Variants in SPTBN2 observed in about 807,000 individuals in gnomAD.
The protein encoded by SPTBN2 is spectrin beta chain, non-erythrocytic 2.
In SPTBN2, 107 loss-of-function variants were observed where a neutral mutation model predicts 284.2. That is an observed-to-expected ratio of 0.38 (90% confidence interval 0.32 to 0.44). SPTBN2 has a LOEUF of 0.44. Among genes scored for constraint, SPTBN2 ranks in the 20% least tolerant of loss-of-function variants. The pLI, the probability that SPTBN2 is intolerant of heterozygous loss-of-function variation, is 1.00. For missense variants in SPTBN2, 2,569 were observed against 3,287.1 expected (o/e 0.78, Z 5.34); for synonymous variants, 1,289 against 1,354.8 (o/e 0.95, Z 1.07).
upstream of SPTBN2, among the ~76,000 whole-genome samples, chr11:66,733,239 G>A (rs1942826556): frequency 6.6e-6 from 1 of 152,164 alleles, no homozygotes; most frequent in Admixed American, 6.5e-5. Flanking sequence ...TGCTATGGGG[G>A]GAATAGGTTA....
rs770831968 is a variant in SPTBN2 at position 66,686,301 on chromosome 11, GACC to G, written c.6939+94_6939+96del. ...CATCCAGTCTTACCACAAAGGACAA[GACC>G]AGGAAAAAGAGGGAGGACAGGGAAA... On this transcript the variant is annotated intron_variant, in intron 37 of 37. Transcript: ENST00000533211. 46 of 1,547,512 alleles carry G rather than the reference GACC, an allele frequency of 3.0e-5. No homozygotes were observed. In the East Asian group the frequency reaches 8.7e-4, roughly 29 times the overall value.
At chr11:66,740,674 A>G (rs1050203877) in intron 1 of SPTBN2, among the ~76,000 whole-genome samples, 1 of 152,232 alleles carries the variant, frequency 6.6e-6, no homozygotes, top group Non-Finnish European at 1.5e-5. Context: ...GACTTTGCTC[A>G]GGACCCGAGA....
Position 66,698,833 on chromosome 11 carries a change from G to A in SPTBN2, c.3868-48C>T, listed in dbSNP as rs748605820. 2.5e-6 allele frequency: 4 copies of A among 1,610,562 alleles called. No individual in the cohort carries two copies. The South Asian group carries it at 4.4e-5, about 18-fold the overall frequency. Reference sequence around the variant, plus strand: ...ACATTTCCAAGGGAGGGGAGAGGGGGGCATAAAAGCAGGGCCACAGTGAGC... The same window carrying A: ...ACATTTCCAAGGGAGGGGAGAGGGGAGCATAAAAGCAGGGCCACAGTGAGC... On this transcript the variant is annotated intron_variant, in intron 19 of 37. Coordinates refer to ENST00000533211, the MANE Select transcript of SPTBN2 (RefSeq NM_006946.4).
chr11:66,696,043 A>T (rs1940889548), intron 21 of SPTBN2, among the ~76,000 whole-genome samples: 1 of 152,086 alleles, frequency 6.6e-6, no homozygotes, highest in African/African-American at 2.4e-5. Flanking sequence ...GGCCTAATTA[A>T]TATTTCTTTT....
chr11:66,704,849 C>T lies in SPTBN2; in HGVS notation c.2427G>A (p.Gln809=), dbSNP rs771717104. 1.3e-5 allele frequency: 21 copies of T among 1,609,480 alleles called. No homozygotes were observed. Among genetic ancestry groups the T allele is most frequent in the Non-Finnish European group, 1.4e-5 (17 of 1,179,844 alleles). ...HRPTLDALRE[Q]AAALPPTLSR... ...TCAGTGTGGGGGGCAGGGCTGCTGC[C>T]TGTTCCCTCAAGGCGTCCAGGGTTG... is the stretch of plus-strand genomic sequence containing the variant. Residue 809 remains glutamine, a synonymous_variant, in exon 15 of 38, where the codon CAG becomes CAA. Coordinates refer to ENST00000533211, the MANE Select transcript of SPTBN2 (RefSeq NM_006946.4).
intron 29 of SPTBN2, 53 bp downstream of exon 29, chr11:66,689,752 C>A: frequency 1.2e-6 from 2 of 1,608,474 alleles, no homozygotes; most frequent in Non-Finnish European, 1.7e-6. Context: ...ACCAAGAAGT[C>A]AGCGTTCAGC....
At chr11:66,686,325 G>C in intron 37 of SPTBN2, 73 bp downstream of exon 37, 1 of 1,586,240 alleles carries the variant, frequency 6.3e-7, no homozygotes, top group Non-Finnish European at 8.7e-7. Flanking sequence ...GGGAGGACAG[G>C]GAAAGAAGGG....
intron 13 of SPTBN2, among the ~76,000 whole-genome samples, chr11:66,706,817 A>C (rs1941587287): frequency 6.6e-6 from 1 of 151,586 alleles, no homozygotes; most frequent in African/African-American, 2.4e-5. Context: ...ATTTTTATAG[A>C]CACGGGGTTT....
chr11:66,690,668 T>C (rs1264360753), intron 27 of SPTBN2, among the ~76,000 whole-genome samples: 7 of 152,148 alleles, frequency 4.6e-5, no homozygotes, highest in African/African-American at 7.2e-5. Flanking sequence ...AGTGTGAGCC[T>C]AGAGCTCAAG....
intron 8 of SPTBN2, chr11:66,712,612 A>G (rs1296344902): frequency 1.3e-5 from 2 of 151,988 alleles, no homozygotes; most frequent in African/African-American, 4.8e-5. Flanking sequence ...TTATGACCAG[A>G]ACCACAGGAA....
chr11:66,691,665 G>C lies in SPTBN2; in HGVS notation c.5191-7C>G. On this transcript the variant is annotated splice_polypyrimidine_tract_variant and splice_region_variant and intron_variant, in intron 26 of 37. Coordinates refer to ENST00000533211, the MANE Select transcript of SPTBN2 (RefSeq NM_006946.4). The surrounding 1 kb of genome is among the most constrained non-coding windows in gnomAD (Gnocchi z 8.0). ...GGAATTTGTCTCGGAGCATCTGGTAGAGGAAGCAGATGGACAGACCATGCC... is the reference window on the plus strand; with the variant it reads ...GGAATTTGTCTCGGAGCATCTGGTACAGGAAGCAGATGGACAGACCATGCC... The C allele has an allele frequency of 6.2e-7, 1 of 1,613,486 alleles. No homozygotes were observed. Among genetic ancestry groups the C allele is most frequent in the Non-Finnish European group, 8.5e-7 (1 of 1,180,040 alleles).
rs1941174794 is a variant in SPTBN2 at position 66,700,469 on chromosome 11, TCC to T, written c.3573+55_3573+56del. On this transcript the variant is annotated intron_variant, in intron 17 of 37. Coordinates refer to ENST00000533211, the MANE Select transcript of SPTBN2 (RefSeq NM_006946.4). This position sits in a 1 kb window ranked among gnomAD's most constrained non-coding sequence, Gnocchi z 6.6. ...CCTGCCCATCCTGCTCCTTCACATTTCCCCGGGTCCCTACTTTGCTCTTCCTC... is the reference window on the plus strand; with the variant it reads ...CCTGCCCATCCTGCTCCTTCACATTTCCGGGTCCCTACTTTGCTCTTCCTC... The T allele has an allele frequency of 5.6e-6, 9 of 1,596,940 alleles. No homozygotes were observed. The highest frequency in any genetic ancestry group is 7.6e-6 in the Non-Finnish European group (9 of 1,179,108).
intron 8 of SPTBN2, among the ~76,000 whole-genome samples, chr11:66,713,334 A>G (rs1941977038): frequency 6.6e-6 from 1 of 151,550 alleles, no homozygotes; most frequent in Admixed American, 6.6e-5. Flanking sequence ...GGGGAGGGGT[A>G]GTCATGGGGT....
chr11:66,721,499 A>G, intron 1 of SPTBN2, 59 bp from the exon 2 acceptor site: 1 of 540,740 alleles, frequency 1.8e-6, no homozygotes, highest in Non-Finnish European at 3.4e-6. Flanking sequence ...GCAGCAGCTC[A>G]GAGCAATGCG....
In SPTBN2 at chr11:66,701,017, C is replaced by T. The variant is rs373419567; in HGVS notation, c.3082G>A (p.Gly1028Ser). The change falls in exon 17 of 38, where the codon GGC (glycine) becomes AGC (serine). Residue 1028 changes from glycine to serine, a missense_variant. This residue lies in a region of SPTBN2 where 1,012 missense variants were observed against 1,248.9 expected (regional missense o/e 0.81). Transcript: ENST00000533211. ...LTREANALAA[G>S]HPAQAVAINA... ...ATGGCCACTGCCTGAGCGGGATGGC[C>T]GGCAGCCAGGGCATTTGCCTCTCGA... The T allele has an allele frequency of 3.5e-5, 57 of 1,608,114 alleles. No homozygotes were observed. In the African/African-American group the frequency reaches 3.7e-4, roughly 11 times the overall value.
chr11:66,694,945 C>A (rs1178373788), intron 21 of SPTBN2, among the ~76,000 whole-genome samples: 1 of 152,212 alleles, frequency 6.6e-6, no homozygotes, highest in Non-Finnish European at 1.5e-5. Flanking sequence ...GCAAGAGATC[C>A]GGTGGCTCTT....
rs1219814931 is a variant in SPTBN2, at chr11:66,691,607, G to A, written c.5242C>T (p.Gln1748Ter). 1 of 1,613,890 alleles carries A rather than the reference G, an allele frequency of 6.2e-7. No homozygotes were observed. Among genetic ancestry groups the A allele is most frequent in the Non-Finnish European group, 8.5e-7 (1 of 1,180,046 alleles). The change falls in exon 27 of 38, where the codon CAG becomes TAG. Residue 1748 changes from glutamine to a stop codon, truncating the protein, a stop_gained. Coordinates refer to ENST00000533211, the MANE Select transcript of SPTBN2 (RefSeq NM_006946.4). LOFTEE classifies it high-confidence loss of function. The surrounding 1 kb of genome is among the most constrained non-coding windows in gnomAD (Gnocchi z 8.0). ...EFSRDTSTIG[Q>*]ERVDSANALA... ...GCATTGGCGCTATCTACGCGCTCCTGACCGATGGTGCTTGTGTCCCGGGAG... is the reference window on the plus strand; with the variant it reads ...GCATTGGCGCTATCTACGCGCTCCTAACCGATGGTGCTTGTGTCCCGGGAG...
chr11:66,683,967 C>T lies in SPTBN2; in HGVS notation c.*1904G>A, dbSNP rs1292544984. The stretch of plus-strand genomic sequence containing the variant: ...GATTGTTCTAGTTACGCGTATCCAC[C>T]TGTTGGCTGTGGAACAGTAAATCTA... On this transcript the variant is annotated 3_prime_UTR_variant, in exon 38 of 38. Coordinates refer to ENST00000533211, the MANE Select transcript of SPTBN2 (RefSeq NM_006946.4). Among the ~76,000 whole-genome samples the T allele has an allele frequency of 1.3e-5, 2 of 152,336 alleles. No individual in the cohort carries two copies. Among genetic ancestry groups the T allele is most frequent in the Non-Finnish European group, 2.9e-5 (2 of 68,022 alleles).
rs1182290442 is a variant in SPTBN2 at position 66,685,998 on chromosome 11, A to G, written c.7046T>C (p.Met2349Thr). 18 of 1,613,648 alleles carry G rather than the reference A, an allele frequency of 1.1e-5. No individual in the cohort carries two copies. The highest frequency in any genetic ancestry group is 8.5e-7 in the Non-Finnish European group (1 of 1,180,018). ...EPVVPSTTRG[M>T]TRAMTMPPVS... ...TGGGGGCATGGTCATGGCCCGGGTC[A>G]TGCCCCGGGTGGTGCTGGGCACCAC... The change falls in exon 38 of 38, where the codon ATG becomes ACG. Residue 2349 changes from methionine to threonine, a missense_variant. By Grantham distance (81) the Met-to-Thr change is moderately conservative. Transcript: ENST00000533211. The surrounding 1 kb of genome is among the most constrained non-coding windows in gnomAD (Gnocchi z 4.4).
Sources: gnomAD v4.1 joint callset for allele counts (sites outside exome capture counted in the v4.1 genomes callset) on GRCh38, gnomAD v4.1.1 for gene constraint, gnomAD v4.1.1 regional missense constraint, Gnocchi (gnomAD v3.1) non-coding constraint, MANE v1.5 for transcripts, NCBI Gene and HGNC (gene_info 2026-07-23, HGNC 2026-07-21) for gene names.